The following EPHA3 variants were observed in gnomAD, a reference collection of about 807,000 sequenced individuals.
The protein encoded by EPHA3 is EPH receptor A3.
Under a neutral mutation model 107.1 loss-of-function variants are expected in EPHA3, and 42 were observed. The observed-to-expected ratio is 0.39, with a 90% CI of 0.31 to 0.51. The LOEUF is 0.51. EPHA3 is among the 20% of genes least tolerant of loss of function. The probability of loss-of-function intolerance (pLI) is 0.78; values close to 1 mark genes in which losing one functional copy is unlikely to be tolerated. For synonymous variants in EPHA3, 461 were observed against 424.8 expected, an observed-to-expected ratio of 1.09 and a Z score of -1.05; for missense variants, 1,183 against 1,211.2, an observed-to-expected ratio of 0.98 and a Z score of 0.35.
At chr3:89,220,402 A>C (rs908073496) in intron 3 of EPHA3, among the ~76,000 whole-genome samples, 2 of 152,150 alleles carry the variant, frequency 1.3e-5, no homozygotes. Context: ...CAAAACTAAG[A>C]TGGATTTTTT....
chr3:89,284,267 GT>G (rs1341772425), intron 3 of EPHA3, among the ~76,000 whole-genome samples: 1 of 152,060 alleles, frequency 6.6e-6, no homozygotes, highest in African/African-American at 2.4e-5. Flanking sequence ...GTTTATGATA[GT>G]TTTTTAATAG....
intron 7 of EPHA3, among the ~76,000 whole-genome samples, chr3:89,402,532 T>C (rs1166001041): frequency 6.6e-6 from 1 of 152,150 alleles, no homozygotes; most frequent in African/African-American, 2.4e-5. Flanking sequence ...ACTCTCCCTA[T>C]TGTTTTTATT....
chr3:89,391,281 G>A (rs181580462), intron 5 of EPHA3, among the ~76,000 whole-genome samples: 1 of 152,224 alleles, frequency 6.6e-6, no homozygotes, highest in Admixed American at 6.5e-5. Flanking sequence ...CAGTACCGCT[G>A]TGTAAGTCCG....
intron 16 of EPHA3, 98 bp from the exon 17 acceptor site, chr3:89,479,299 T>C (rs969861046): frequency 1.1e-5 from 10 of 902,914 alleles, no homozygotes; most frequent in Non-Finnish European, 1.8e-5. Context: ...AGGTCCACAG[T>C]ACTAGAATAT....
chr3:89,215,855 T>C (rs11128071), intron 3 of EPHA3, among the ~76,000 whole-genome samples: 88,498 of 151,562 alleles, frequency 0.58, 28,016 homozygotes, highest in Non-Finnish European at 0.7. Context: ...AAATAGGCAT[T>C]TCACTCTACT....
At chr3:89,195,909 C>T (rs1559595033) in intron 2 of EPHA3, among the ~76,000 whole-genome samples, 1 of 152,098 alleles carries the variant, frequency 6.6e-6, no homozygotes, top group Non-Finnish European at 1.5e-5. Flanking sequence ...GGTCATTCCC[C>T]ACTGTTCTAA....
chr3:89,356,986 TA>T (rs1707973312), intron 5 of EPHA3, among the ~76,000 whole-genome samples: 1 of 148,892 alleles, frequency 6.7e-6, no homozygotes, highest in Admixed American at 6.8e-5. Context: ...TGTGCATCTG[TA>T]ATCCCAGCTA....
intron 13 of EPHA3, among the ~76,000 whole-genome samples, chr3:89,448,585 G>A (rs952827771): frequency 9.9e-5 from 15 of 152,166 alleles, no homozygotes; most frequent in African/African-American, 3.4e-4. Flanking sequence ...TTCTGGGAAT[G>A]TAATTATTAT....
At chr3:89,211,742 CCTTCTTCTTCTTCTTCTTCTTCT>C (rs1704098600) in intron 3 of EPHA3, among the ~76,000 whole-genome samples, 6 of 19,538 alleles carry the variant, frequency 3.1e-4, no homozygotes, top group Non-Finnish European at 3.6e-4. Context: ...TTCTTCTTCT[CCTTCTTCTTCTTCTTCTTCTTCT>C]TCTTCTTCTT....
intron 2 of EPHA3, among the ~76,000 whole-genome samples, chr3:89,143,466 A>G (rs1317685329): frequency 6.6e-6 from 1 of 151,556 alleles, no homozygotes; most frequent in Non-Finnish European, 1.5e-5. Flanking sequence ...CAAGTATACT[A>G]GTGTGTTTTG....
At chr3:89,454,892 G>T (rs1290199074) in intron 15 of EPHA3, among the ~76,000 whole-genome samples, 1 of 152,018 alleles carries the variant, frequency 6.6e-6, no homozygotes, top group Non-Finnish European at 1.5e-5. Context: ...TACTCAGGAG[G>T]CTGTAGCAGA....
intron 3 of EPHA3, among the ~76,000 whole-genome samples, chr3:89,300,065 C>T (rs973795299): frequency 6.6e-6 from 1 of 151,898 alleles, no homozygotes; most frequent in Non-Finnish European, 1.5e-5. Context: ...CTAGTACTTA[C>T]CAGGACTTGA....
chr3:89,443,369 T>C (rs978323885), intron 13 of EPHA3, among the ~76,000 whole-genome samples: 1 of 152,198 alleles, frequency 6.6e-6, no homozygotes, highest in Non-Finnish European at 1.5e-5. Context: ...GTGAATCTTA[T>C]ACTAACTATC....
chr3:89,446,201 A>G (rs1709873269), intron 13 of EPHA3, among the ~76,000 whole-genome samples: 2 of 152,214 alleles, frequency 1.3e-5, no homozygotes, highest in African/African-American at 4.8e-5. Context: ...TGAATCTGTA[A>G]CCATGTATTT....
chr3:89,110,526 T>C (rs2106938131), intron 1 of EPHA3, among the ~76,000 whole-genome samples: 1 of 152,092 alleles, frequency 6.6e-6, no homozygotes, highest in Middle Eastern at 3.4e-3. Context: ...TAATAGGGAC[T>C]CATCAACGAT....
chr3:89,351,122 C>T (rs1351706045), intron 5 of EPHA3, among the ~76,000 whole-genome samples: 2 of 151,256 alleles, frequency 1.3e-5, no homozygotes, highest in African/African-American at 4.8e-5. Context: ...AGGCAGGACT[C>T]CTTGAACTGT....
chr3:89,279,014 A>G (rs1246535538), intron 3 of EPHA3, among the ~76,000 whole-genome samples: 1 of 152,190 alleles, frequency 6.6e-6, no homozygotes, highest in African/African-American at 2.4e-5. Flanking sequence ...AAATGTGTAT[A>G]TAGTGTTTTT....
chr3:89,309,369 A>G (rs1180706609), intron 3 of EPHA3, among the ~76,000 whole-genome samples: 1 of 152,134 alleles, frequency 6.6e-6, no homozygotes, highest in South Asian at 2.1e-4. Context: ...TCTTGAGCCT[A>G]TTTAGAAACC....
intron 2 of EPHA3, among the ~76,000 whole-genome samples, chr3:89,148,003 A>G (rs1300859584): frequency 1.3e-5 from 2 of 151,900 alleles, no homozygotes; most frequent in Non-Finnish European, 2.9e-5. Context: ...ACCATGAGAA[A>G]GAAAAAGGCA....
Sources: gnomAD v4.1 joint callset for allele counts (sites outside exome capture counted in the v4.1 genomes callset) on GRCh38, gnomAD v4.1.1 for gene constraint, MANE v1.5 for transcripts, NCBI Gene and HGNC (gene_info 2026-07-23, HGNC 2026-07-21) for gene names.